The following CTNNA1 variants were observed in gnomAD, a reference collection of about 807,000 sequenced individuals.
CTNNA1 encodes catenin alpha-1.
In CTNNA1, 37 loss-of-function variants were observed where a neutral mutation model predicts 98.4. That is an observed-to-expected ratio of 0.38 (90% CI 0.29 to 0.49). The LOEUF is 0.49. Among genes scored for constraint, CTNNA1 ranks in the 20% least tolerant of loss-of-function variants. The pLI, the probability that CTNNA1 is intolerant of heterozygous loss-of-function variation, is 0.95. For synonymous variants in CTNNA1, 404 were observed against 413.2 expected (o/e 0.98, Z 0.27); for missense variants, 761 against 1,147.2 (o/e 0.66, Z 4.86).
chr5:138,849,547 A>G (rs1410013362), intron 7 of CTNNA1, among the ~76,000 whole-genome samples: 1 of 152,216 alleles, frequency 6.6e-6, no homozygotes, highest in Non-Finnish European at 1.5e-5. Flanking sequence ...GAAGAGAAAA[A>G]TCTTATTAGG....
At chr5:138,782,331 A>G (rs1400214198) in intron 2 of CTNNA1, 1 of 492,514 alleles carries the variant, frequency 2.0e-6, no homozygotes, top group Non-Finnish European at 4.0e-6. Flanking sequence ...AGAAAGGTGG[A>G]GTCTGGATCC....
intron 6 of CTNNA1, among the ~76,000 whole-genome samples, chr5:138,826,984 C>T (rs1024718805): frequency 1.3e-5 from 2 of 152,158 alleles, no homozygotes; most frequent in African/African-American, 4.8e-5. Context: ...GGTCTTGCCT[C>T]GTTGCCTAGG....
rs773235871 is a variant in CTNNA1 at position 138,783,363 on chromosome 5, C to G, written c.292C>G (p.Arg98Gly). The change falls in exon 3 of 18, where the codon CGA (arginine) becomes GGA (glycine). Residue 98 changes from arginine (R) to glycine (G), a missense_variant. Coordinates refer to ENST00000302763, the MANE Select transcript of CTNNA1 (RefSeq NM_001903.5). ...EELVAAVEDV[R>G]KQGDLMKAAA... ...GCTTGTGGCTGCTGTAGAAGATGTT[C>G]GAAAACAAGGTAGGTCATTACTGCT... is the stretch of plus-strand genomic sequence containing the variant. 3 of 1,612,358 alleles carry G rather than the reference C, an allele frequency of 1.9e-6. No homozygotes were observed. Among genetic ancestry groups the G allele is most frequent in the Non-Finnish European group, 2.5e-6 (3 of 1,178,906 alleles).
At position 138,930,518 on chromosome 5, in the gene CTNNA1, G is replaced by T. The variant is rs2150334188; in HGVS notation, c.2056G>T (p.Glu686Ter). 2 of 1,614,040 alleles carry T rather than the reference G, an allele frequency of 1.2e-6. No individual in the cohort carries two copies. Among genetic ancestry groups the T allele is most frequent in the Non-Finnish European group, 1.7e-6 (2 of 1,179,924 alleles). ...CCAGGAGCAAAAAGCGAAGATTGCG[G>T]AACAGGTGGCCAGCTTCCAGGAAGA... The part of the protein sequence containing the change: ...LPQEQKAKIA[E>*]QVASFQEEKS... Residue 686 changes from glutamate (E) to a stop codon, truncating the protein, a stop_gained, in exon 15 of 18, where the codon GAA (glutamate) becomes TAA (stop). Coordinates refer to ENST00000302763, the MANE Select transcript of CTNNA1 (RefSeq NM_001903.5). LOFTEE classifies it high-confidence loss of function.
intron 11 of CTNNA1, among the ~76,000 whole-genome samples, chr5:138,924,288 T>G (rs924156400): frequency 9.4e-5 from 13 of 137,782 alleles, no homozygotes; most frequent in South Asian, 2.3e-4. Flanking sequence ...TTTTGTTTTT[T>G]TTTTTTTAAA....
chr5:138,786,576 CT>C (rs1053471662), intron 3 of CTNNA1, among the ~76,000 whole-genome samples: 1 of 152,142 alleles, frequency 6.6e-6, no homozygotes, highest in Non-Finnish European at 1.5e-5. Context: ...GTGCTATTTA[CT>C]TTGGGAGCAA....
At chr5:138,893,130 C>T (rs574552865) in intron 9 of CTNNA1, among the ~76,000 whole-genome samples, 2 of 152,212 alleles carry the variant, frequency 1.3e-5, no homozygotes, top group African/African-American at 4.8e-5. Context: ...TGTCCCAGCT[C>T]TCCTCTGAAT....
intron 3 of CTNNA1, among the ~76,000 whole-genome samples, chr5:138,790,216 C>G (rs80025441): frequency 1.8e-3 from 279 of 152,310 alleles, no homozygotes; most frequent in African/African-American, 6.5e-3. Flanking sequence ...ATGTTAACTG[C>G]CAGCAGGGCC....
chr5:138,839,813 A>G (rs984156924), intron 7 of CTNNA1, among the ~76,000 whole-genome samples: 15 of 152,222 alleles, frequency 9.9e-5, no homozygotes, highest in African/African-American at 3.6e-4. Context: ...TGAGTCTGAA[A>G]CTAGTGAAGT....
intron 7 of CTNNA1, among the ~76,000 whole-genome samples, chr5:138,877,899 A>G (rs1476912914): frequency 6.6e-6 from 1 of 152,152 alleles, no homozygotes; most frequent in Non-Finnish European, 1.5e-5. Context: ...GGAGAAAAGC[A>G]TTTTAGTCAG....
intron 7 of CTNNA1, among the ~76,000 whole-genome samples, chr5:138,863,057 G>A (rs1764430300): frequency 6.6e-6 from 1 of 152,074 alleles, no homozygotes; most frequent in South Asian, 2.1e-4. Context: ...GTACATAAAG[G>A]TTGAAGGACT....
At chr5:138,927,177 C>T (rs913007682) in intron 13 of CTNNA1, among the ~76,000 whole-genome samples, 3 of 152,238 alleles carry the variant, frequency 2.0e-5, no homozygotes, top group Non-Finnish European at 4.4e-5. Flanking sequence ...TCATGAGCCA[C>T]AGGGCAGCCA....
intron 17 of CTNNA1, 57 bp downstream of exon 17, chr5:138,932,769 A>G (rs1765645502): frequency 1.2e-6 from 2 of 1,602,420 alleles, no homozygotes; most frequent in African/African-American, 2.7e-5. Context: ...CCTTGTCAGA[A>G]ATGAAAGTCA....
chr5:138,934,600 T>C lies in CTNNA1; in HGVS notation c.*511T>C, dbSNP rs1352107690. On this transcript the variant is annotated 3_prime_UTR_variant, in exon 18 of 18. Coordinates refer to ENST00000302763, the MANE Select transcript of CTNNA1 (RefSeq NM_001903.5). ...GACAAACTCACTCAGTAAAACATAA[T>C]GTATCATGAAGAAAACTGATTCTCT... 1 of 140,888 alleles carries C rather than the reference T, an allele frequency of 7.1e-6. No homozygotes were observed. Among genetic ancestry groups the C allele is most frequent in the Non-Finnish European group, 1.6e-5 (1 of 62,444 alleles). The allele number at this position is 140,888 out of a possible 1,614,324, so 8.7% of individuals were successfully genotyped here. A position where few individuals can be genotyped will look rare whatever the true frequency, so the allele number is the denominator to read the frequency against.
chr5:138,850,819 C>A (rs979484475), intron 7 of CTNNA1, among the ~76,000 whole-genome samples: 1 of 152,218 alleles, frequency 6.6e-6, no homozygotes, highest in African/African-American at 2.4e-5. Flanking sequence ...GATGCTTCTA[C>A]AGATTTAAGT....
chr5:138,819,870 TG>T (rs1411206583), intron 5 of CTNNA1, among the ~76,000 whole-genome samples: 1 of 102,318 alleles, frequency 9.8e-6, no homozygotes, highest in African/African-American at 3.8e-5. Flanking sequence ...GGGGGGTGAG[TG>T]GGGGGATTTC....
intron 1 of CTNNA1, among the ~76,000 whole-genome samples, chr5:138,776,046 T>TC (rs1373233434): frequency 3.0e-3 from 439 of 144,318 alleles, no homozygotes; most frequent in Non-Finnish European, 5.0e-3. Context: ...TTTCTTTTTT[T>TC]TTTTTTTTTT....
chr5:138,892,993 G>A (rs1280298309), intron 9 of CTNNA1, among the ~76,000 whole-genome samples: 1 of 152,124 alleles, frequency 6.6e-6, no homozygotes, highest in South Asian at 2.1e-4. Context: ...TCTAGTCTGA[G>A]CAATAGAGAT....
At chr5:138,794,080 C>T (rs899545246) in intron 3 of CTNNA1, among the ~76,000 whole-genome samples, 1 of 143,522 alleles carries the variant, frequency 7.0e-6, no homozygotes, top group Non-Finnish European at 1.5e-5. Context: ...TGCAGTGGTG[C>T]AATCTCGGCT....
Sources: allele counts gnomAD v4.1 joint callset (sites outside exome capture counted in the v4.1 genomes callset), GRCh38; gene constraint gnomAD v4.1.1; transcripts MANE v1.5; gene names NCBI Gene and HGNC (gene_info 2026-07-23, HGNC 2026-07-21).